The following PTPN12 variants were observed in gnomAD, a reference collection of about 807,000 sequenced individuals.
PTPN12 encodes the protein protein tyrosine phosphatase non-receptor type 12.
Under a neutral mutation model 97.6 loss-of-function variants are expected in PTPN12, and 29 were observed. That is an observed-to-expected ratio of 0.30 (90% CI 0.22 to 0.41). The LOEUF is 0.41. Ranked by LOEUF, PTPN12 falls within the 10% of genes least tolerant of loss-of-function variation. PTPN12 has a pLI of 1.00. For synonymous variants in PTPN12, 327 were observed against 300.4 expected (o/e 1.09, Z -0.91); for missense variants, 819 against 926.0 (o/e 0.88, Z 1.50).
At chr7:77,540,578 A>C (rs978864281) in intron 1 of PTPN12, among the ~76,000 whole-genome samples, 2 of 151,330 alleles carry the variant, frequency 1.3e-5, no homozygotes, top group African/African-American at 4.9e-5. Context: ...TTTTTCTTCC[A>C]TGATACCTAG....
At chr7:77,637,112 A>T in intron 16 of PTPN12, 64 bp downstream of exon 16, 2 of 1,299,982 alleles carry the variant, frequency 1.5e-6, no homozygotes, top group Non-Finnish European at 2.2e-6. Context: ...TCTACAAAAT[A>T]ACATGCTTCA....
intron 1 of PTPN12, among the ~76,000 whole-genome samples, chr7:77,570,178 A>G (rs990562048): frequency 6.6e-6 from 1 of 152,198 alleles, no homozygotes; most frequent in Non-Finnish European, 1.5e-5. Flanking sequence ...TATTGTGATG[A>G]TAAAATTTAG....
At chr7:77,551,543 C>T (rs1361775077) in intron 1 of PTPN12, among the ~76,000 whole-genome samples, 1 of 152,180 alleles carries the variant, frequency 6.6e-6, no homozygotes. Context: ...GGGCAAGTGA[C>T]AAGATGAATT....
intron 1 of PTPN12, among the ~76,000 whole-genome samples, chr7:77,541,898 A>AG (rs1806992078): frequency 6.6e-6 from 1 of 152,200 alleles, no homozygotes; most frequent in Non-Finnish European, 1.5e-5. Flanking sequence ...CAAATAGCTA[A>AG]TTTGTGGCTG....
intron 12 of PTPN12, among the ~76,000 whole-genome samples, chr7:77,619,929 G>A (rs1788875511): frequency 6.6e-6 from 1 of 152,112 alleles, no homozygotes; most frequent in South Asian, 2.1e-4. Flanking sequence ...TTTCCTGTTC[G>A]ATTTCCACTT....
intron 1 of PTPN12, chr7:77,538,010 C>T (rs1255838066): frequency 1.6e-5 from 17 of 1,032,774 alleles, no homozygotes; most frequent in African/African-American, 3.5e-5. Flanking sequence ...CACACCTCCC[C>T]GCGCAGTTCG....
chr7:77,605,769 C>G (rs1788350754), intron 8 of PTPN12, among the ~76,000 whole-genome samples: 1 of 151,832 alleles, frequency 6.6e-6, no homozygotes, highest in Admixed American at 6.6e-5. Context: ...TCTAAAGTCC[C>G]CAGCTCCCAT....
chr7:77,594,267 G>C (rs780657471), intron 6 of PTPN12, among the ~76,000 whole-genome samples: 8 of 152,096 alleles, frequency 5.3e-5, no homozygotes, highest in Non-Finnish European at 7.4e-5. Context: ...TTTGAGACAA[G>C]CCCGGGCAAA....
At chr7:77,633,044 A>G (rs1485121522) in intron 14 of PTPN12, among the ~76,000 whole-genome samples, 1 of 151,910 alleles carries the variant, frequency 6.6e-6, no homozygotes, top group Non-Finnish European at 1.5e-5. Flanking sequence ...GCTGAGATGC[A>G]CTGATCACCT....
In PTPN12 at chr7:77,592,710, TG is replaced by T. The variant is rs1346590750; in HGVS notation, c.492+456del. Among the ~76,000 whole-genome samples the T allele has an allele frequency of 3.3e-5, 5 of 152,184 alleles. No homozygotes were observed. The East Asian group carries it at 9.6e-4, about 29-fold the overall frequency. On this transcript the variant is annotated intron_variant, in intron 6 of 17. Coordinates refer to ENST00000248594, the MANE Select transcript of PTPN12 (RefSeq NM_002835.4). ...GACCTACCATACTGGAAGTAAAGAT[TG>T]GTCCTGTCTGGCAGATTATTTGATA...
intron 5 of PTPN12, among the ~76,000 whole-genome samples, chr7:77,590,574 G>A (rs991090917): frequency 8.9e-6 from 1 of 111,950 alleles, no homozygotes; most frequent in East Asian, 2.3e-4. Flanking sequence ...TTTTTTTTTT[G>A]TGGGGAGAGA....
At position 77,627,096 on chromosome 7, in the gene PTPN12, G is replaced by A. The variant is rs762453354; in HGVS notation, c.1417G>A (p.Asp473Asn). Reference sequence around the variant, plus strand: ...TAAATCTGCTTCACCTTGTATAGCTGATAAAATCTCTAAGCCACAGGAATT... The same window carrying A: ...TAAATCTGCTTCACCTTGTATAGCTAATAAAATCTCTAAGCCACAGGAATT... Reference protein sequence around the residue: ...KIKSASPCIADKISKPQELSS... With the variant: ...KIKSASPCIANKISKPQELSS... The change falls in exon 13 of 18, where the codon GAT becomes AAT. Residue 473 changes from aspartate to asparagine, a missense_variant. Coordinates refer to ENST00000248594, the MANE Select transcript of PTPN12 (RefSeq NM_002835.4). The A allele has an allele frequency of 1.4e-5, 23 of 1,614,026 alleles. No individual in the cohort carries two copies. The highest frequency in any genetic ancestry group is 1.9e-5 in the Non-Finnish European group (23 of 1,180,016).
chr7:77,558,210 C>CAAAAAAAAAAAAAA (rs61149538), intron 1 of PTPN12, among the ~76,000 whole-genome samples: 1 of 93,606 alleles, frequency 1.1e-5, no homozygotes, highest in East Asian at 4.1e-4. Context: ...GACTCCATCT[C>CAAAAAAAAAAAAAA]AAAAAAAAAA....
At chr7:77,609,538 G>A (rs993656179) in intron 9 of PTPN12, among the ~76,000 whole-genome samples, 1 of 151,614 alleles carries the variant, frequency 6.6e-6, no homozygotes. Context: ...TCAAAGTGCT[G>A]GGATTACAGA....
chr7:77,637,980 A>C (rs1326725546), intron 16 of PTPN12, among the ~76,000 whole-genome samples: 2 of 88,114 alleles, frequency 2.3e-5, no homozygotes, highest in Admixed American at 1.8e-4. Context: ...TTTTTGAGAC[A>C]GAGGTCTTGC....
At chr7:77,606,702 G>A (rs1788384110) in intron 8 of PTPN12, among the ~76,000 whole-genome samples, 1 of 152,204 alleles carries the variant, frequency 6.6e-6, no homozygotes, top group Non-Finnish European at 1.5e-5. Context: ...AGTTTTAAAT[G>A]CTGCACCATT....
chr7:77,602,723 A>G (rs1364350971), intron 8 of PTPN12, among the ~76,000 whole-genome samples: 1 of 152,112 alleles, frequency 6.6e-6, no homozygotes, highest in African/African-American at 2.4e-5. Flanking sequence ...GTTTCTACAT[A>G]GTAGAAGCTA....
chr7:77,627,130 A>T lies in PTPN12; in HGVS notation c.1451A>T (p.Asp484Val). The T allele has an allele frequency of 2.5e-6, 4 of 1,614,144 alleles. No homozygotes were observed. Among genetic ancestry groups the T allele is most frequent in the Non-Finnish European group, 3.4e-6 (4 of 1,179,990 alleles). The change falls in exon 13 of 18, where the codon GAT (aspartate) becomes GTT (valine). Residue 484 changes from aspartate (D) to valine (V), a missense_variant. Around this residue, in one of 5 missense-constraint regions of PTPN12, gnomAD observed 607 missense variants for 577.3 expected, o/e 1.05. Transcript: ENST00000248594. ...TCTAAGCCACAGGAATTAAGTTCAG[A>T]TCTAAATGTCGGTGATACTTCCCAG... ...KISKPQELSS[D>V]LNVGDTSQNS...
chr7:77,545,398 A>T (rs1181845657), intron 1 of PTPN12, among the ~76,000 whole-genome samples: 3 of 152,108 alleles, frequency 2.0e-5, no homozygotes, highest in African/African-American at 7.2e-5. Flanking sequence ...TTTAATTTTT[A>T]TTATTAAAAA....
Sources: allele counts gnomAD v4.1 joint callset (sites outside exome capture counted in the v4.1 genomes callset), GRCh38; gene constraint gnomAD v4.1.1; regional missense constraint gnomAD v4.1.1; transcripts MANE v1.5; gene names NCBI Gene and HGNC (gene_info 2026-07-23, HGNC 2026-07-21).